PCDHGA7: variants seen among roughly 807,000 people sequenced by gnomAD.
The protein encoded by PCDHGA7 is protocadherin gamma-A7.
In PCDHGA7, 44 loss-of-function variants were observed where a neutral mutation model predicts 58.3. The observed-to-expected ratio is 0.75, with a 90% CI of 0.59 to 0.97. PCDHGA7 has a LOEUF of 0.97. PCDHGA7 is among the 50% of genes least tolerant of loss of function. The pLI, the probability that PCDHGA7 is intolerant of heterozygous loss-of-function variation, is 0.00. For missense variants in PCDHGA7, 1,266 were observed against 1,188.7 expected (o/e 1.06, Z -0.96); for synonymous variants, 516 against 504.2 (o/e 1.02, Z -0.31).
chr5:141,449,147 G>T (rs2098630156), intron 1 of PCDHGA7, among the ~76,000 whole-genome samples: 1 of 152,110 alleles, frequency 6.6e-6, no homozygotes, highest in African/African-American at 2.4e-5. Flanking sequence ...AAATTGCTGG[G>T]TCAAAGAGGA....
intron 1 of PCDHGA7, among the ~76,000 whole-genome samples, chr5:141,457,029 C>G (rs2098904194): frequency 6.6e-6 from 1 of 152,170 alleles, no homozygotes; most frequent in Non-Finnish European, 1.5e-5. Flanking sequence ...TCCTAGTAGA[C>G]TCAGTGATAG....
chr5:141,485,561 G>A lies in PCDHGA7; in HGVS notation c.2425-9246G>A. 1.9e-6 allele frequency: 3 copies of A among 1,613,008 alleles called. No homozygotes were observed. The highest frequency in any genetic ancestry group is 1.1e-5 in the South Asian group (1 of 91,026). ...AGAGATCGTAGATGTGAATGATCACGCCCCCCGTTTTCCGCGGCAGCAGCT... is the reference window on the plus strand; with the variant it reads ...AGAGATCGTAGATGTGAATGATCACACCCCCCGTTTTCCGCGGCAGCAGCT... On this transcript the variant is annotated intron_variant, in intron 1 of 3. Transcript: ENST00000518325. The surrounding 1 kb of genome is among the most constrained non-coding windows in gnomAD (Gnocchi z 5.7).
intron 1 of PCDHGA7, among the ~76,000 whole-genome samples, chr5:141,435,539 C>T (rs75717921): frequency 1.3e-5 from 2 of 152,226 alleles, no homozygotes; most frequent in South Asian, 4.1e-4. Flanking sequence ...TCAGAATTAA[C>T]AAAATGTGTT....
chr5:141,419,579 C>G (rs759041306), intron 1 of PCDHGA7: 11 of 1,611,812 alleles, frequency 6.8e-6, no homozygotes, highest in Non-Finnish European at 9.3e-6. Flanking sequence ...CGGCTCCGCG[C>G]TCTTCGACAC....
Position 141,511,380 on chromosome 5 carries a change from C to G in PCDHGA7, c.*207C>G. The G allele has an allele frequency of 7.7e-6, 9 of 1,170,490 alleles. No individual in the cohort carries two copies. The highest frequency in any genetic ancestry group is 1.1e-5 in the Non-Finnish European group (9 of 854,564). 72.5% of individuals were successfully genotyped at this position (1,170,490 alleles called of 1,614,324 possible). A position where few individuals can be genotyped will look rare whatever the true frequency, so the allele number is the denominator to read the frequency against. On this transcript the variant is annotated 3_prime_UTR_variant, in exon 4 of 4. Transcript: ENST00000518325. ...GGGGTTGAATATGCAAAAGCAGTTC[C>G]GCTGGGAACCCCCATCCAATCAACT...
chr5:141,422,499 A>G lies in PCDHGA7; in HGVS notation c.2424+37176A>G. 3 of 1,614,036 alleles carry G rather than the reference A, an allele frequency of 1.9e-6. No homozygotes were observed. The South Asian group carries it at 3.3e-5, about 18-fold the overall frequency. On this transcript the variant is annotated intron_variant, in intron 1 of 3. Coordinates refer to ENST00000518325, the MANE Select transcript of PCDHGA7 (RefSeq NM_018920.4). ...TCCAGAGCTACAATATAACGTTGAC[A>G]GCCACAGACCAGGGAAGCCCGCCTT...
intron 2 of PCDHGA7, among the ~76,000 whole-genome samples, chr5:141,495,912 CTT>C (rs1210428397): frequency 6.6e-6 from 1 of 152,140 alleles, no homozygotes; most frequent in Admixed American, 6.6e-5. Flanking sequence ...CTCTGTATAT[CTT>C]TCTTTGTCTC....
intron 1 of PCDHGA7, among the ~76,000 whole-genome samples, chr5:141,449,543 C>T (rs377524476): frequency 2.7e-5 from 4 of 147,148 alleles, no homozygotes; most frequent in Non-Finnish European, 4.5e-5. Context: ...GAGCCGAGAT[C>T]GCACCACTGC....
chr5:141,499,731 C>T (rs2099794093), intron 2 of PCDHGA7, among the ~76,000 whole-genome samples: 1 of 138,132 alleles, frequency 7.2e-6, no homozygotes, highest in African/African-American at 2.7e-5. Context: ...GTCTCACTCT[C>T]TTGCCCAGGC....
At chr5:141,460,983 G>GTGTGTA (rs1554142949) in intron 1 of PCDHGA7, among the ~76,000 whole-genome samples, 82 of 137,842 alleles carry the variant, frequency 5.9e-4, no homozygotes, top group African/African-American at 1.9e-3. Flanking sequence ...GTGTGTGTGT[G>GTGTGTA]TATATATATA....
rs751421323 is a variant in PCDHGA7 at position 141,384,536 on chromosome 5, T to A, written c.1637T>A (p.Met546Lys). ...DSGDPPLSSN[M>K]SLSLFVLDQN... ...GGGGACCCGCCTCTCAGCAGCAACA[T>A]GTCACTGAGCCTGTTCGTGCTGGAC... The change falls in exon 1 of 4, where the codon ATG (methionine) becomes AAG (lysine). Residue 546 changes from methionine to lysine, a missense_variant. Met to Lys is a moderately conservative substitution (Grantham distance 95). Transcript: ENST00000518325. 4 of 1,614,086 alleles carry A rather than the reference T, an allele frequency of 2.5e-6. No homozygotes were observed. The highest frequency in any genetic ancestry group is 1.7e-5 in the Admixed American group (1 of 60,000).
intron 1 of PCDHGA7, chr5:141,393,544 A>T: frequency 6.2e-7 from 1 of 1,613,800 alleles, no homozygotes; most frequent in East Asian, 2.2e-5. Context: ...GTTTTTCCTC[A>T]CCCGATTTAC....
chr5:141,490,862 C>G lies in PCDHGA7; in HGVS notation c.2425-3945C>G. 1 of 1,613,878 alleles carries G rather than the reference C, an allele frequency of 6.2e-7. No homozygotes were observed. Among genetic ancestry groups the G allele is most frequent in the East Asian group, 2.2e-5 (1 of 44,874 alleles). ...GTGGTGGGGGTTCGAGACTCCGGCTCTCCCCCATTGCATGCCAACACATCT... is the reference window on the plus strand; with the variant it reads ...GTGGTGGGGGTTCGAGACTCCGGCTGTCCCCCATTGCATGCCAACACATCT... On this transcript the variant is annotated intron_variant, in intron 1 of 3. Coordinates refer to ENST00000518325, the MANE Select transcript of PCDHGA7 (RefSeq NM_018920.4). The surrounding 1 kb of genome is among the most constrained non-coding windows in gnomAD (Gnocchi z 5.4).
intron 1 of PCDHGA7, chr5:141,416,673 C>A (rs1259750007): frequency 6.6e-6 from 1 of 151,958 alleles, no homozygotes; most frequent in Non-Finnish European, 1.5e-5. Flanking sequence ...ATATATGCAA[C>A]GAAGGGAAAT....
At position 141,511,219 on chromosome 5, in the gene PCDHGA7, G is replaced by A. The variant is rs1467284181; in HGVS notation, c.*46G>A. On this transcript the variant is annotated 3_prime_UTR_variant, in exon 4 of 4. Coordinates refer to ENST00000518325, the MANE Select transcript of PCDHGA7 (RefSeq NM_018920.4). ...CCACAGGGCGGCCTCTCCCCAACCA[G>A]CCCAGCTTCTCCTTACCTGCACCCA... 5 of 1,606,366 alleles carry A rather than the reference G, an allele frequency of 3.1e-6. No individual in the cohort carries two copies. The highest frequency in any genetic ancestry group is 2.7e-5 in the African/African-American group (2 of 74,686).
At chr5:141,497,129 T>G (rs528066007) in intron 2 of PCDHGA7, among the ~76,000 whole-genome samples, 1 of 151,692 alleles carries the variant, frequency 6.6e-6, no homozygotes, top group Admixed American at 6.6e-5. Flanking sequence ...GAGGTTGCAG[T>G]GAGCTGAGAT....
chr5:141,490,092 C>T lies in PCDHGA7; in HGVS notation c.2425-4715C>T. On this transcript the variant is annotated intron_variant, in intron 1 of 3. Coordinates refer to ENST00000518325, the MANE Select transcript of PCDHGA7 (RefSeq NM_018920.4). This position sits in a 1 kb window ranked among gnomAD's most constrained non-coding sequence, Gnocchi z 5.4. ...AACTAGACTATTCTTTTGGAGACCA[C>T]ACATCTGAGGCAGTGCGGAACCTCT... 6.2e-7 allele frequency: 1 copy of T among 1,614,240 alleles called. No individual in the cohort carries two copies.
At chr5:141,404,123 T>A (rs1477938356) in intron 1 of PCDHGA7, 4 of 1,613,394 alleles carry the variant, frequency 2.5e-6, no homozygotes, top group Admixed American at 1.7e-5. Context: ...GGAGAATCTA[T>A]CTTTTACATT....
At chr5:141,419,116 C>A in intron 1 of PCDHGA7, 2 of 1,613,888 alleles carry the variant, frequency 1.2e-6, no homozygotes. Context: ...CAGAGTACAA[C>A]GTCACCATCG....
Sources: allele counts gnomAD v4.1 joint callset (sites outside exome capture counted in the v4.1 genomes callset), GRCh38; gene constraint gnomAD v4.1.1; non-coding constraint Gnocchi (gnomAD v3.1); transcripts MANE v1.5; gene names NCBI Gene and HGNC (gene_info 2026-07-23, HGNC 2026-07-21).